The following MYT1 variants were observed in gnomAD, a reference collection of about 807,000 sequenced individuals.
The protein encoded by MYT1 is myelin transcription factor I.
A neutral mutation model predicts 123.0 loss-of-function variants in MYT1; 23 were observed. The ratio of observed to expected loss-of-function variants is 0.19; its 90% CI spans 0.13 to 0.26. The LOEUF (loss-of-function observed/expected upper bound fraction) is 0.26. Ranked by LOEUF, MYT1 falls within the 10% of genes least tolerant of loss-of-function variation. The probability of loss-of-function intolerance (pLI) is 1.00; values close to 1 mark genes in which losing one functional copy is unlikely to be tolerated. For synonymous variants in MYT1, 518 were observed against 575.3 expected, an observed-to-expected ratio of 0.90 and a Z score of 1.43; for missense variants, 1,125 against 1,472.5, an observed-to-expected ratio of 0.76 and a Z score of 3.86.
chr20:64,172,582 C>A (rs1044662847), intron 1 of MYT1, among the ~76,000 whole-genome samples: 10 of 152,034 alleles, frequency 6.6e-5, no homozygotes, highest in Admixed American at 5.9e-4. Context: ...CTGAACGGTT[C>A]TAAGAAAAAT....
Position 64,185,552 on chromosome 20 carries a change from G to A in MYT1, c.-98-4511G>A, listed in dbSNP as rs761091021. ...TTTGTTCTTGTTTTCAGAGTGGGGA[G>A]GTTTTACACAGTGGAAGGGGGTCAG... On this transcript the variant is annotated intron_variant, in intron 1 of 22. Coordinates refer to ENST00000328439, the MANE Select transcript of MYT1 (RefSeq NM_004535.3). This position sits in a 1 kb window ranked among gnomAD's most constrained non-coding sequence, Gnocchi z 4.5. 6.6e-6 allele frequency among the ~76,000 whole-genome samples: 1 copy of A among 152,218 alleles called. No homozygotes were observed. Among genetic ancestry groups the A allele is most frequent in the Non-Finnish European group, 1.5e-5 (1 of 68,040 alleles).
rs1982122017 is a variant in MYT1, at chr20:64,167,623, G to T, written c.-99+2884G>T. On this transcript the variant is annotated intron_variant, in intron 1 of 22. Coordinates refer to ENST00000328439, the MANE Select transcript of MYT1 (RefSeq NM_004535.3). The surrounding 1 kb of genome is among the most constrained non-coding windows in gnomAD (Gnocchi z 6.3). ...GGATGCTCTGCCTGTCCCAATGCTG[G>T]AAGACACATCTCAGAGCCCCTCTTT... Among the ~76,000 whole-genome samples, 1 of 152,214 alleles carries T rather than the reference G, an allele frequency of 6.6e-6. No individual in the cohort carries two copies. The highest frequency in any genetic ancestry group is 6.5e-5 in the Admixed American group (1 of 15,286).
At chr20:64,235,339 T>C (rs1444018841) in intron 19 of MYT1, among the ~76,000 whole-genome samples, 1 of 125,144 alleles carries the variant, frequency 8.0e-6, no homozygotes, top group Non-Finnish European at 1.6e-5. Context: ...CTGGCCGTGG[T>C]GGGTGACCCT....
In MYT1 at chr20:64,219,974, C is replaced by A; in HGVS notation, c.2233C>A (p.Pro745Thr). The A allele has an allele frequency of 6.7e-7, 1 of 1,496,490 alleles. No individual in the cohort carries two copies. Among genetic ancestry groups the A allele is most frequent in the Middle Eastern group, 1.8e-4 (1 of 5,562 alleles). The allele number at this position is 1,496,490 out of a possible 1,614,324, so 92.7% of individuals were successfully genotyped here. A position where few individuals can be genotyped will look rare whatever the true frequency, so the allele number is the denominator to read the frequency against. ...GCCTAGCCGCCTGAGAGAGGAGGAACCTGAGGAGGTGGGTGCAGGCGCCTG... is the reference window on the plus strand; with the variant it reads ...GCCTAGCCGCCTGAGAGAGGAGGAAACTGAGGAGGTGGGTGCAGGCGCCTG... ...TKPSRLREEE[P>T]EESEPAAHSF... The change falls in exon 13 of 23, where the codon CCT (proline) becomes ACT (threonine). Residue 745 changes from proline to threonine, a missense_variant. Pro to Thr is a conservative substitution (Grantham distance 38). This residue lies in a region of MYT1 where 429 missense variants were observed against 604.1 expected (regional missense o/e 0.71). Coordinates refer to ENST00000328439, the MANE Select transcript of MYT1 (RefSeq NM_004535.3).
chr20:64,227,272 C>T (rs968912436), intron 16 of MYT1, 143 bp from the exon 17 acceptor site: 81 of 667,582 alleles, frequency 1.2e-4, no homozygotes, highest in Non-Finnish European at 1.8e-4. Flanking sequence ...TGAACATCGG[C>T]GATGCTCCTC....
At chr20:64,182,064 G>A (rs80106882) in intron 1 of MYT1, among the ~76,000 whole-genome samples, 2,998 of 152,290 alleles carry the variant, frequency 0.02, 53 homozygotes, top group African/African-American at 0.048. Context: ...TATTCTAACC[G>A]TTTTCTTGCT....
In MYT1 at chr20:64,240,640, T is replaced by C. The variant is rs1182536208; in HGVS notation, c.*192T>C. 1 of 669,340 alleles carries C rather than the reference T, an allele frequency of 1.5e-6. No homozygotes were observed. The highest frequency in any genetic ancestry group is 3.3e-5 in the Admixed American group (1 of 29,870). 41.5% of individuals were successfully genotyped at this position (669,340 alleles called of 1,614,324 possible). ...GCTCCCTCCAGGCTTGGGGCCGTGG[T>C]GGCCCTATCTGTGTGCATAGGGGCA... On this transcript the variant is annotated 3_prime_UTR_variant, in exon 23 of 23. Transcript: ENST00000328439.
At chr20:64,170,540 C>T (rs889861862) in intron 1 of MYT1, among the ~76,000 whole-genome samples, 2 of 152,066 alleles carry the variant, frequency 1.3e-5, no homozygotes, top group African/African-American at 2.4e-5. Flanking sequence ...CTGAATTATT[C>T]CTCCACTCTG....
intron 1 of MYT1, among the ~76,000 whole-genome samples, chr20:64,169,350 G>A (rs537645341): frequency 1.1e-4 from 17 of 152,342 alleles, no homozygotes; most frequent in East Asian, 5.8e-4. Flanking sequence ...CCCGGTGTGC[G>A]CCTCGCTGAG....
At chr20:64,204,152 T>G (rs961481870) in intron 4 of MYT1, among the ~76,000 whole-genome samples, 1 of 152,224 alleles carries the variant, frequency 6.6e-6, no homozygotes, top group Non-Finnish European at 1.5e-5. Context: ...CACTCCACAC[T>G]GGCCCCTTTG....
In MYT1 at chr20:64,208,118, G is replaced by A. The variant is rs1388462345; in HGVS notation, c.922G>A (p.Ala308Thr). ...EEEEEEEEEA[A>T]PDVIFQEDTS... Reference sequence around the variant, plus strand: ...AGAGGAAGAGGAGGAGGAGGAGGCAGCTCCTGATGTGATCTTTCAGGAAGA... The same window carrying A: ...AGAGGAAGAGGAGGAGGAGGAGGCAACTCCTGATGTGATCTTTCAGGAAGA... The change falls in exon 7 of 23, where the codon GCT (alanine) becomes ACT (threonine). Residue 308 changes from alanine (A) to threonine (T), a missense_variant. Around this residue, in one of 4 missense-constraint regions of MYT1, gnomAD observed 406 missense variants for 432.2 expected, o/e 0.94. Coordinates refer to ENST00000328439, the MANE Select transcript of MYT1 (RefSeq NM_004535.3). This position sits in a 1 kb window ranked among gnomAD's most constrained non-coding sequence, Gnocchi z 5.4. The A allele has an allele frequency of 6.2e-7, 1 of 1,611,572 alleles. No homozygotes were observed. Among genetic ancestry groups the A allele is most frequent in the Non-Finnish European group, 8.5e-7 (1 of 1,178,824 alleles).
intron 10 of MYT1, among the ~76,000 whole-genome samples, chr20:64,214,759 G>C (rs898246297): frequency 6.6e-6 from 1 of 152,218 alleles, no homozygotes; most frequent in African/African-American, 2.4e-5. Context: ...GACCCCGGCT[G>C]GGGTGAGCGT....
rs763381494 is a variant in MYT1 at position 64,237,381 on chromosome 20, G to A, written c.3084G>A (p.Leu1028=). The change falls in exon 21 of 23, where the codon CTG becomes CTA. Residue 1028 remains leucine (L), a synonymous_variant. Coordinates refer to ENST00000328439, the MANE Select transcript of MYT1 (RefSeq NM_004535.3). ...NSEMEAAMVQ[L]QSQISSMEKN... ...AGATGGAGGCTGCCATGGTGCAGCT[G>A]CAGTCCCAGGTAGGTGGTGCCGCCC... 22 of 1,604,666 alleles carry A rather than the reference G, an allele frequency of 1.4e-5. No homozygotes were observed. The highest frequency in any genetic ancestry group is 5.6e-5 in the South Asian group (5 of 88,986).
At position 64,208,517 on chromosome 20, in the gene MYT1, G is replaced by C; in HGVS notation, c.1291+30G>C. The C allele has an allele frequency of 6.4e-7, 1 of 1,554,942 alleles. No homozygotes were observed. Among genetic ancestry groups the C allele is most frequent in the Non-Finnish European group, 8.7e-7 (1 of 1,147,842 alleles). On this transcript the variant is annotated intron_variant, in intron 7 of 22. Coordinates refer to ENST00000328439, the MANE Select transcript of MYT1 (RefSeq NM_004535.3). This position sits in a 1 kb window ranked among gnomAD's most constrained non-coding sequence, Gnocchi z 5.4. ...GGCTCAGGGGTGGCCTGGCCCTGCA[G>C]ACTCATCCTTTCACCCCTGCCCCAG... is the stretch of plus-strand genomic sequence containing the variant.
chr20:64,170,885 A>T (rs1185978520), intron 1 of MYT1, among the ~76,000 whole-genome samples: 5 of 21,838 alleles, frequency 2.3e-4, no homozygotes, highest in African/African-American at 1.1e-3. Context: ...ATATATATAT[A>T]GAGAGAGAGA....
At chr20:64,239,391 C>T (rs892538869) in intron 21 of MYT1, among the ~76,000 whole-genome samples, 3 of 152,074 alleles carry the variant, frequency 2.0e-5, no homozygotes, top group Non-Finnish European at 2.9e-5. Context: ...TGAGACAGGG[C>T]GCTGTGAAGT....
Position 64,217,158 on chromosome 20 carries a change from A to G in MYT1, c.1723A>G (p.Lys575Glu). ...CGCCACACCCAGGGCCAACTTGGCC[A>G]AGGAGCTGGAGAAGTTCTCCAAGGT... ...APATPRANLA[K>E]ELEKFSKVTF... is the part of the protein sequence containing the mutation. The change falls in exon 11 of 23, where the codon AAG becomes GAG. Residue 575 changes from lysine to glutamate, a missense_variant. Lys to Glu is a moderately conservative substitution (Grantham distance 56). This residue lies in a region of MYT1 where 429 missense variants were observed against 604.1 expected (regional missense o/e 0.71). Transcript: ENST00000328439. 1.2e-6 allele frequency: 2 copies of G among 1,614,248 alleles called. No individual in the cohort carries two copies. Among genetic ancestry groups the G allele is most frequent in the Non-Finnish European group, 1.7e-6 (2 of 1,180,046 alleles).
rs756445802 is a variant in MYT1 at position 64,240,475 on chromosome 20, G to A, written c.*27G>A. ...CCGTGTGGTACCCAGAAGTGTCCCA[G>A]CCCACCACACCGTTTACCTCCCTCG... is the stretch of plus-strand genomic sequence containing the variant. On this transcript the variant is annotated 3_prime_UTR_variant, in exon 23 of 23. Transcript: ENST00000328439. 6.2e-7 allele frequency: 1 copy of A among 1,605,494 alleles called. No individual in the cohort carries two copies. Among genetic ancestry groups the A allele is most frequent in the Non-Finnish European group, 8.5e-7 (1 of 1,176,740 alleles).
Position 64,208,606 on chromosome 20 carries a change from C to T in MYT1, c.1291+119C>T. 9.8e-6 allele frequency: 14 copies of T among 1,429,742 alleles called. No homozygotes were observed. Among genetic ancestry groups the T allele is most frequent in the Non-Finnish European group, 1.3e-5 (14 of 1,086,262 alleles). 88.6% of individuals were successfully genotyped at this position (1,429,742 alleles called of 1,614,324 possible). ...GGCTGGGGGATGGCAGAAAAGCAGA[C>T]AAAAGGACAAATACATGACACAGAC... On this transcript the variant is annotated intron_variant, in intron 7 of 22. Transcript: ENST00000328439. This position sits in a 1 kb window ranked among gnomAD's most constrained non-coding sequence, Gnocchi z 5.4.
Sources: gnomAD v4.1 joint callset for allele counts (sites outside exome capture counted in the v4.1 genomes callset) on GRCh38, gnomAD v4.1.1 for gene constraint, gnomAD v4.1.1 regional missense constraint, Gnocchi (gnomAD v3.1) non-coding constraint, MANE v1.5 for transcripts, NCBI Gene and HGNC (gene_info 2026-07-23, HGNC 2026-07-21) for gene names.